PHYKPL: variants seen among roughly 807,000 people sequenced by gnomAD.
PHYKPL encodes the protein 5-phosphohydroxy-L-lysine phospho-lyase.
A neutral mutation model predicts 51.3 loss-of-function variants in PHYKPL; 42 were observed. That is an observed-to-expected ratio of 0.82 (90% CI 0.64 to 1.06). PHYKPL has a LOEUF of 1.06. Ranked by LOEUF, PHYKPL falls within the 50% of genes least tolerant of loss-of-function variation. PHYKPL has a pLI of 0.00. For missense variants in PHYKPL, 655 were observed against 586.6 expected, an observed-to-expected ratio of 1.12 and a Z score of -1.20; for synonymous variants, 264 against 236.0, an observed-to-expected ratio of 1.12 and a Z score of -1.09.
chr5:178,226,694 C>T (rs774907837), intron 3 of PHYKPL: 2 of 151,942 alleles, frequency 1.3e-5, no homozygotes, highest in Non-Finnish European at 2.9e-5. Context: ...GGGGTGGGAC[C>T]GTCTCTGGAA....
intron 3 of PHYKPL, among the ~76,000 whole-genome samples, chr5:178,229,103 A>ATTTTT (rs55725801): frequency 8.5e-6 from 1 of 118,290 alleles, no homozygotes; most frequent in Non-Finnish European, 1.7e-5. Context: ...TGATGAGACT[A>ATTTTT]TTTTTTTTTT....
Position 178,211,885 on chromosome 5 carries a change from C to T in PHYKPL, c.*31+5G>A, listed in dbSNP as rs189253192. 1.1e-5 allele frequency: 17 copies of T among 1,609,422 alleles called. No homozygotes were observed. The highest frequency in any genetic ancestry group is 1.7e-4 in the Middle Eastern group (1 of 6,036). On this transcript the variant is annotated splice_donor_5th_base_variant and intron_variant, in intron 12 of 12. Transcript: ENST00000308158. ...CTTCAAGAGTAAGAAGCAAGGCCCA[C>T]TCACCTGGAGTACACTTAGGCAGAG...
At position 178,215,370 on chromosome 5, in the gene PHYKPL, CCTT is replaced by C. The variant is rs746045766; in HGVS notation, c.985_987del (p.Lys329del). ...CTGGTGGCATGATCCTGGAGCTGCTCCTTCTCCAAGACATTCAGGACGGCCAGC... is the reference window on the plus strand; with the variant it reads ...CTGGTGGCATGATCCTGGAGCTGCTCCTCCAAGACATTCAGGACGGCCAGC... On this transcript the variant is annotated inframe_deletion, in exon 9 of 13. Transcript: ENST00000308158. 1.2e-6 allele frequency: 2 copies of C among 1,614,018 alleles called. No individual in the cohort carries two copies. Among genetic ancestry groups the C allele is most frequent in the Non-Finnish European group, 1.7e-6 (2 of 1,179,972 alleles).
intron 10 of PHYKPL, 42 bp downstream of exon 10, chr5:178,214,754 G>GT: frequency 6.3e-7 from 1 of 1,576,270 alleles, no homozygotes; most frequent in East Asian, 2.2e-5. Flanking sequence ...TACCTGTGGT[G>GT]TCTCCTACTC....
intron 1 of PHYKPL, chr5:178,232,260 A>G: frequency 8.1e-7 from 1 of 1,232,298 alleles, no homozygotes. Flanking sequence ...CGGCCTGGAG[A>G]CGGCGCTGTC....
At chr5:178,207,889 G>A (rs1243224662), downstream of PHYKPL, among the ~76,000 whole-genome samples, 7 of 151,858 alleles carry the variant, frequency 4.6e-5, no homozygotes, top group Admixed American at 3.3e-4. Context: ...TTAAAGCCTG[G>A]TCTCACCATG....
intron 8 of PHYKPL, among the ~76,000 whole-genome samples, chr5:178,218,216 C>CAAAAAAAAAAAAAAAAAAA (rs777929826): frequency 6.9e-5 from 4 of 58,276 alleles, no homozygotes; most frequent in South Asian, 7.7e-4. Context: ...AACTCCGTCT[C>CAAAAAAAAAAAAAAAAAAA]AAAAAAAAAA....
Position 178,215,532 on chromosome 5 carries a change from T to A in PHYKPL, c.928-102A>T, listed in dbSNP as rs151246381. 3,330 of 1,407,474 alleles carry A rather than the reference T, an allele frequency of 2.4e-3. 74 individuals carry two copies. In the African/African-American group the frequency reaches 0.043, roughly 18 times the overall value. 87.2% of individuals were successfully genotyped at this position (1,407,474 alleles called of 1,614,324 possible). A position where few individuals can be genotyped will look rare whatever the true frequency, so the allele number is the denominator to read the frequency against. ...ACTGCCACACGTGTTCCAAGGCCAG[T>A]GGCAAGAGCAGAGGCCCCAAACCCC... On this transcript the variant is annotated intron_variant, in intron 8 of 12. Coordinates refer to ENST00000308158, the MANE Select transcript of PHYKPL (RefSeq NM_153373.4).
At chr5:178,216,812 A>G (rs2961678) in intron 8 of PHYKPL, 97,822 of 152,192 alleles carry the variant, frequency 0.64, 31,893 homozygotes, top group African/African-American at 0.73. Context: ...AAGATGGGTG[A>G]GTTGCCTAAG....
intron 3 of PHYKPL, chr5:178,228,473 C>A (rs928434193): frequency 1.4e-6 from 1 of 695,854 alleles, no homozygotes; most frequent in Non-Finnish European, 2.6e-6. Context: ...CATAAGAATG[C>A]CCCTCCTCCA....
intron 3 of PHYKPL, among the ~76,000 whole-genome samples, chr5:178,229,335 C>T (rs1762921900): frequency 2.0e-5 from 3 of 152,112 alleles, no homozygotes; most frequent in East Asian, 1.9e-4. Flanking sequence ...CTCAAACTCC[C>T]GACCTCAGGT....
At chr5:178,221,990 CTG>C (rs1443296428) in intron 8 of PHYKPL, among the ~76,000 whole-genome samples, 2 of 152,188 alleles carry the variant, frequency 1.3e-5, no homozygotes, top group African/African-American at 2.4e-5. Flanking sequence ...GAACTCTGCT[CTG>C]AGATCATGTG....
At chr5:178,209,228 G>A (rs1215457402) in intron 12 of PHYKPL, 4 of 938,724 alleles carry the variant, frequency 4.3e-6, no homozygotes, top group Non-Finnish European at 6.9e-6. Context: ...CTCAGCAAAT[G>A]GACCTGATCC....
At chr5:178,210,547 C>T (rs1392259467) in intron 12 of PHYKPL, 1 of 1,613,736 alleles carries the variant, frequency 6.2e-7, no homozygotes, top group East Asian at 2.2e-5. Context: ...TTGTTCTCGT[C>T]CCTAGGTCAG....
chr5:178,215,563 G>T, intron 8 of PHYKPL, 133 bp from the exon 9 acceptor site: 1 of 1,105,816 alleles, frequency 9.0e-7, no homozygotes, highest in Non-Finnish European at 1.3e-6. Flanking sequence ...ACCCCTTAGG[G>T]CGCACAGTCC....
Position 178,230,655 on chromosome 5 carries a change from C to T in PHYKPL, c.179-556G>A, listed in dbSNP as rs73336843. The T allele has an allele frequency of 6.7e-3, 1,029 of 154,730 alleles. 18 individuals carry two copies. The highest frequency in any genetic ancestry group is 0.024 in the African/African-American group (986 of 41,536). 9.6% of individuals were successfully genotyped at this position (154,730 alleles called of 1,614,324 possible). On this transcript the variant is annotated intron_variant, in intron 2 of 12. Coordinates refer to ENST00000308158, the MANE Select transcript of PHYKPL (RefSeq NM_153373.4). ...GGTTTCACTTCACCAGCCAAGGGGG[C>T]TGGTGGTAATCTTGATTGTCAAAGG...
chr5:178,213,248 CAG>C, intron 10 of PHYKPL, 145 bp from the exon 11 acceptor site: 1 of 1,138,382 alleles, frequency 8.8e-7, no homozygotes, highest in Admixed American at 2.4e-5. Flanking sequence ...TCACCTCTCC[CAG>C]AGTCCTGTGC....
Position 178,222,966 on chromosome 5 carries a change from A to T in PHYKPL, c.619-32T>A, listed in dbSNP as rs539479048. 2.5e-6 allele frequency: 4 copies of T among 1,610,082 alleles called. No individual in the cohort carries two copies. In the East Asian group the frequency reaches 6.7e-5, roughly 27 times the overall value. On this transcript the variant is annotated intron_variant, in intron 6 of 12. Coordinates refer to ENST00000308158, the MANE Select transcript of PHYKPL (RefSeq NM_153373.4). The stretch of plus-strand genomic sequence containing the variant: ...AGAGATGGACATTGGGAACACGACC[A>T]TGGGGTTGTGCAGTGACCGGCTTAG...
Position 178,214,869 on chromosome 5 carries a change from T to C in PHYKPL, c.1099A>G (p.Ile367Val), listed in dbSNP as rs142385761. Reference protein sequence around the residue: ...VGDVRGVGLFIGVDLIKDEAT... With the variant: ...VGDVRGVGLFVGVDLIKDEAT... ...TCATCTTTGATCAGATCCACACCAA[T>C]GAAGAGCCCAACACCCCTGCAAGGG... is the stretch of plus-strand genomic sequence containing the variant. Residue 367 changes from isoleucine to valine, a missense_variant, in exon 10 of 13, where the codon ATT (isoleucine) becomes GTT (valine). Transcript: ENST00000308158. 12 of 1,613,620 alleles carry C rather than the reference T, an allele frequency of 7.4e-6. No individual in the cohort carries two copies. Among genetic ancestry groups the C allele is most frequent in the Admixed American group, 3.3e-5 (2 of 60,022 alleles).
Sources: gnomAD v4.1 joint callset for allele counts (sites outside exome capture counted in the v4.1 genomes callset) on GRCh38, gnomAD v4.1.1 for gene constraint, MANE v1.5 for transcripts, NCBI Gene and HGNC (gene_info 2026-07-23, HGNC 2026-07-21) for gene names.